MCU: variants seen among roughly 807,000 people sequenced by gnomAD.
MCU encodes the protein mitochondrial calcium uniporter.
Under a neutral mutation model 45.2 loss-of-function variants are expected in MCU, and 12 were observed. The observed-to-expected ratio is 0.27, with a 90% CI of 0.17 to 0.43. The LOEUF (loss-of-function observed/expected upper bound fraction) is 0.43. MCU is among the 20% of genes least tolerant of loss of function. The pLI is 1.00. For synonymous variants in MCU, 160 were observed against 165.1 expected (o/e 0.97, Z 0.24); for missense variants, 324 against 436.7 (o/e 0.74, Z 2.30).
intron 6 of MCU, among the ~76,000 whole-genome samples, chr10:72,878,110 G>GC (rs1845644330): frequency 2.1e-4 from 25 of 116,828 alleles, no homozygotes; most frequent in Non-Finnish European, 3.6e-4. Context: ...AAATAATTTT[G>GC]CTTTTTTTTT....
At chr10:72,850,348 C>T (rs1845189707) in intron 2 of MCU, among the ~76,000 whole-genome samples, 1 of 152,110 alleles carries the variant, frequency 6.6e-6, no homozygotes, top group African/African-American at 2.4e-5. Context: ...TCATAAGCCC[C>T]TGAAATCATC....
intron 1 of MCU, among the ~76,000 whole-genome samples, chr10:72,822,695 C>G (rs1844732129): frequency 6.6e-6 from 1 of 152,160 alleles, no homozygotes; most frequent in South Asian, 2.1e-4. Context: ...ACAGATAGGA[C>G]TGGGTGAAGT....
chr10:72,859,089 A>G, intron 2 of MCU, 88 bp from the exon 3 acceptor site: 1 of 1,237,990 alleles, frequency 8.1e-7, no homozygotes. Context: ...CACACTAATA[A>G]TAGACCCCCA....
At chr10:72,880,885 T>C (rs1476565542) in intron 6 of MCU, among the ~76,000 whole-genome samples, 1 of 152,182 alleles carries the variant, frequency 6.6e-6, no homozygotes, top group African/African-American at 2.4e-5. Context: ...CCCAGTGCTT[T>C]GGGAGGCCAA....
At chr10:72,871,635 CA>C in intron 6 of MCU, 55 bp downstream of exon 6, 1 of 1,465,678 alleles carries the variant, frequency 6.8e-7, no homozygotes, top group Non-Finnish European at 9.5e-7. Context: ...TTTTGATTGT[CA>C]AAAGAGTTCT....
At chr10:72,720,290 C>T (rs1843003927) in intron 1 of MCU, among the ~76,000 whole-genome samples, 2 of 152,170 alleles carry the variant, frequency 1.3e-5, no homozygotes, top group South Asian at 2.1e-4. Flanking sequence ...ATAATTTCTA[C>T]TGCTGAAGAA....
chr10:72,693,989 A>G (rs1038722407), intron 1 of MCU, among the ~76,000 whole-genome samples: 1 of 152,222 alleles, frequency 6.6e-6, no homozygotes, highest in Admixed American at 6.5e-5. Flanking sequence ...CCACTATGCA[A>G]ATTTGTCAGG....
chr10:72,727,835 A>G (rs1843120545), intron 1 of MCU, among the ~76,000 whole-genome samples: 1 of 152,198 alleles, frequency 6.6e-6, no homozygotes, highest in Non-Finnish European at 1.5e-5. Flanking sequence ...CTGATGAAAA[A>G]ATGTATGAAG....
At chr10:72,756,857 G>A (rs1395497051) in intron 1 of MCU, 2 of 151,030 alleles carry the variant, frequency 1.3e-5, no homozygotes, top group Admixed American at 6.6e-5. Context: ...ATCAACTCAA[G>A]CTTTTGCTTT....
chr10:72,780,551 T>TGTGTGTGTGTGTGTGTGG, intron 1 of MCU, among the ~76,000 whole-genome samples: 1 of 144,052 alleles, frequency 6.9e-6, no homozygotes. Context: ...TGTGTGTGTG[T>TGTGTGTGTGTGTGTGTGG]TGGGTGAATT....
chr10:72,812,206 G>C (rs1460211111), intron 1 of MCU, among the ~76,000 whole-genome samples: 2 of 151,996 alleles, frequency 1.3e-5, no homozygotes, highest in Non-Finnish European at 2.9e-5. Context: ...GAGTGCAGTG[G>C]TGTGATCTCG....
At chr10:72,845,539 G>A (rs537018857) in intron 2 of MCU, among the ~76,000 whole-genome samples, 2 of 152,194 alleles carry the variant, frequency 1.3e-5, no homozygotes, top group East Asian at 3.9e-4. Context: ...GAAATGTTTA[G>A]ATATACAAAT....
At chr10:72,737,508 C>T (rs768436800) in intron 1 of MCU, among the ~76,000 whole-genome samples, 5 of 151,456 alleles carry the variant, frequency 3.3e-5, no homozygotes, top group Non-Finnish European at 5.9e-5. Flanking sequence ...GCGTTATTTC[C>T]CCTTTTTCTT....
intron 4 of MCU, among the ~76,000 whole-genome samples, chr10:72,868,132 A>G (rs1801698519): frequency 6.6e-6 from 1 of 152,110 alleles, no homozygotes; most frequent in African/African-American, 2.4e-5. Context: ...CTTAATGTTA[A>G]TCATGTCCTC....
chr10:72,716,266 G>A (rs1471338766), intron 1 of MCU, among the ~76,000 whole-genome samples: 1 of 152,148 alleles, frequency 6.6e-6, no homozygotes, highest in Non-Finnish European at 1.5e-5. Flanking sequence ...ACTTCAAATT[G>A]TATTTAGAAA....
At position 72,705,613 on chromosome 10, in the gene MCU, T is replaced by C. The variant is rs1842809564; in HGVS notation, c.150+13312T>C. Among the ~76,000 whole-genome samples the C allele has an allele frequency of 2.0e-5, 3 of 150,762 alleles. 1 individual carries two copies. The South Asian group carries it at 6.3e-4, about 32-fold the overall frequency. ...CGGGCGGATCACCTAAAGTCGGGAGTTCGAGACCAGCCTGACCAACATGGA... is the reference window on the plus strand; with the variant it reads ...CGGGCGGATCACCTAAAGTCGGGAGCTCGAGACCAGCCTGACCAACATGGA... On this transcript the variant is annotated intron_variant, in intron 1 of 7. Transcript: ENST00000373053.
At chr10:72,737,122 A>G (rs1843261764) in intron 1 of MCU, among the ~76,000 whole-genome samples, 1 of 152,206 alleles carries the variant, frequency 6.6e-6, no homozygotes, top group South Asian at 2.1e-4. Flanking sequence ...TCTAAACTTC[A>G]GTTTGATACT....
At chr10:72,692,714 G>T in intron 1 of MCU, 1 of 1,262,900 alleles carries the variant, frequency 7.9e-7, no homozygotes, top group East Asian at 3.4e-5. Context: ...GGGGAGTTCT[G>T]AGTTGCCGCG....
intron 1 of MCU, among the ~76,000 whole-genome samples, chr10:72,811,444 A>G (rs116636931): frequency 3.7e-4 from 57 of 152,322 alleles, no homozygotes; most frequent in African/African-American, 1.3e-3. Context: ...TAACCAATAG[A>G]CTTGGTCCTC....
Sources: allele counts gnomAD v4.1 joint callset (sites outside exome capture counted in the v4.1 genomes callset), GRCh38; gene constraint gnomAD v4.1.1; transcripts MANE v1.5; gene names NCBI Gene and HGNC (gene_info 2026-07-23, HGNC 2026-07-21).